Variants in CSF1R observed in about 807,000 individuals in gnomAD.
CSF1R encodes the protein macrophage colony-stimulating factor 1 receptor.
Under a neutral mutation model 110.0 loss-of-function variants are expected in CSF1R, and 40 were observed. The observed-to-expected ratio is 0.36, with a 90% confidence interval of 0.28 to 0.47. The LOEUF is 0.47. CSF1R is among the 20% of genes least tolerant of loss of function. The pLI, the probability that CSF1R is intolerant of heterozygous loss-of-function variation, is 0.99. For missense variants in CSF1R, 1,052 were observed against 1,253.0 expected (o/e 0.84, Z 2.42); for synonymous variants, 523 against 503.4 (o/e 1.04, Z -0.52).
At chr5:150,087,829 A>C (rs1292091694), upstream of CSF1R, among the ~76,000 whole-genome samples, 1 of 150,884 alleles carries the variant, frequency 6.6e-6, no homozygotes, top group Non-Finnish European at 1.5e-5. Flanking sequence ...CACCTCCCGG[A>C]CTCAAGCCAT....
intron 14 of CSF1R, chr5:150,058,239 G>C (rs1018537882): frequency 8.8e-6 from 4 of 456,196 alleles, no homozygotes; most frequent in African/African-American, 2.0e-5. Context: ...ATGGGCCTGA[G>C]GTGGTGCACT....
Position 150,102,278 on chromosome 5 carries a change from G to A in CSF1R, c.-181+10983C>T, listed in dbSNP as rs560018777. Among the ~76,000 whole-genome samples, 15 of 152,272 alleles carry A rather than the reference G, an allele frequency of 9.9e-5. No homozygotes were observed. In the South Asian group the frequency reaches 2.7e-3, roughly 27 times the overall value. ...AGTGTGTGAGAAATGCAGCATCACC[G>A]TACACTTGCTGACATGGGATATCAC... On this transcript the variant is annotated intron_variant, in intron 1 of 21. Transcript: ENST00000286301.
chr5:150,108,228 T>C (rs1420211241), intron 1 of CSF1R, among the ~76,000 whole-genome samples: 1 of 152,068 alleles, frequency 6.6e-6, no homozygotes. Flanking sequence ...CGAAGAGAAA[T>C]CATTTTCAGC....
intron 5 of CSF1R, among the ~76,000 whole-genome samples, chr5:150,074,567 T>C (rs746814943): frequency 1.3e-5 from 2 of 152,096 alleles, no homozygotes; most frequent in Non-Finnish European, 2.9e-5. Context: ...GAACCCCAAT[T>C]CACTCAGCCT....
At chr5:150,077,788 T>TA in intron 4 of CSF1R, among the ~76,000 whole-genome samples, 1 of 152,290 alleles carries the variant, frequency 6.6e-6, no homozygotes, top group Middle Eastern at 3.4e-3. Context: ...AATGGTGGCC[T>TA]AGGAAACCCT....
intron 1 of CSF1R, among the ~76,000 whole-genome samples, chr5:150,101,292 G>A (rs1759395326): frequency 6.6e-6 from 1 of 152,186 alleles, no homozygotes; most frequent in Non-Finnish European, 1.5e-5. Flanking sequence ...CCTAGCCAAG[G>A]CTAGATTAAA....
At chr5:150,093,475 TTCTC>T (rs970181156) in intron 1 of CSF1R, among the ~76,000 whole-genome samples, 1 of 152,236 alleles carries the variant, frequency 6.6e-6, no homozygotes, top group Non-Finnish European at 1.5e-5. Flanking sequence ...CTAAAAATTT[TTCTC>T]TCTTTTTAAT....
chr5:150,087,979 G>A (rs928238508), upstream of CSF1R, among the ~76,000 whole-genome samples: 12 of 152,014 alleles, frequency 7.9e-5, no homozygotes, highest in East Asian at 1.3e-3. Flanking sequence ...CAAGTGATTC[G>A]CATACCTTGG....
At chr5:150,097,428 AAAG>A (rs754258595) in intron 1 of CSF1R, among the ~76,000 whole-genome samples, 16 of 152,130 alleles carry the variant, frequency 1.1e-4, no homozygotes, top group Admixed American at 3.9e-4. Flanking sequence ...GAAAGAAAGA[AAAG>A]AAGAAGAAAG....
At chr5:150,058,284 A>C (rs1016212961) in intron 14 of CSF1R, 3 of 456,202 alleles carry the variant, frequency 6.6e-6, no homozygotes, top group African/African-American at 2.0e-5. Flanking sequence ...ATGAGAGCAC[A>C]CTTGGGGTAG....
intron 18 of CSF1R, 28 bp from the exon 19 acceptor site, chr5:150,055,364 C>G: frequency 1.9e-6 from 3 of 1,588,628 alleles, no homozygotes; most frequent in Non-Finnish European, 2.6e-6. Flanking sequence ...AGGTAAGAGG[C>G]CATGCCCATT....
In CSF1R at chr5:150,070,485, C is replaced by T; in HGVS notation, c.1169G>A (p.Arg390Lys). The change falls in exon 7 of 21, where the codon AGA becomes AAA. Residue 390 changes from arginine (R) to lysine (K), a missense_variant. Physicochemically the swap from Arg to Lys is conservative, Grantham distance 26. Transcript: ENST00000675795. ...AAGGGTGAGCTCAAACGTCAGAGCT[C>T]TCCAGCCTCCTGGGTTTCTGGCCAG... ...SFLARNPGGW[R>K]ALTFELTLRY... 6.4e-7 allele frequency: 1 copy of T among 1,559,246 alleles called. No individual in the cohort carries two copies. The highest frequency in any genetic ancestry group is 8.7e-7 in the Non-Finnish European group (1 of 1,151,892).
Position 150,073,411 on chromosome 5 carries a change from C to T in CSF1R, c.972G>A (p.Met324Ile). 6.2e-7 allele frequency: 1 copy of T among 1,614,138 alleles called. No individual in the cohort carries two copies. The stretch of plus-strand genomic sequence containing the variant: ...CTTGCAGGCCTGGGTAGGCCTCCAC[C>T]ATGACTTTGAGGTTGAGCCCCTCCC... ...TVGEGLNLKV[M>I]VEAYPGLQGF... Residue 324 changes from methionine (M) to isoleucine (I), a missense_variant, in exon 6 of 21, where the codon ATG becomes ATA. By Grantham distance (10) the Met-to-Ile change is conservative. Transcript: ENST00000675795.
Position 150,054,070 on chromosome 5 carries a change from C to T in CSF1R, c.2918G>A (p.Ter973=). The change falls in exon 21 of 21, where the codon TGA becomes TAA. Residue 973 remains the stop codon, a stop_retained_variant. Coordinates refer to ENST00000675795, the MANE Select transcript of CSF1R (RefSeq NM_001288705.3). ...LLQPNNYQFC[*] is the part of the protein sequence containing the mutation. ...GTGGTACTCCCTGTCGTCAACTCCT[C>T]AGCAGAACTGATAGTTGTTGGGCTG... 3 of 1,614,116 alleles carry T rather than the reference C, an allele frequency of 1.9e-6. No homozygotes were observed. Among genetic ancestry groups the T allele is most frequent in the Non-Finnish European group, 2.5e-6 (3 of 1,180,018 alleles).
intron 1 of CSF1R, chr5:150,095,077 T>C (rs545149044): frequency 3.0e-5 from 18 of 607,854 alleles, no homozygotes; most frequent in Non-Finnish European, 5.1e-5. Context: ...TTTTCTAAGC[T>C]GGTTGGTTAA....
At position 150,061,510 on chromosome 5, in the gene CSF1R, C is replaced by T; in HGVS notation, c.1839G>A (p.Val613=). The T allele has an allele frequency of 6.2e-7, 1 of 1,609,306 alleles. No individual in the cohort carries two copies. Among genetic ancestry groups the T allele is most frequent in the East Asian group, 2.2e-5 (1 of 44,728 alleles). The change falls in exon 12 of 21, where the codon GTG becomes GTA. Residue 613 remains valine, a synonymous_variant. Coordinates refer to ENST00000675795, the MANE Select transcript of CSF1R (RefSeq NM_001288705.3). ...GLGKEDAVLK[V]AVKMLKSTAH... Reference sequence around the variant, plus strand: ...ACTCACACTTCAGCATCTTCACAGCCACCTTCAGGACAGCATCCTCCTTGC... The same window carrying T: ...ACTCACACTTCAGCATCTTCACAGCTACCTTCAGGACAGCATCCTCCTTGC...
Position 150,053,336 on chromosome 5 carries a change from C to T in CSF1R, c.*733G>A, listed in dbSNP as rs1263927433. 2.6e-5 allele frequency: 6 copies of T among 233,510 alleles called. No individual in the cohort carries two copies. Among genetic ancestry groups the T allele is most frequent in the Non-Finnish European group, 4.2e-5 (5 of 118,020 alleles). 14.5% of individuals were successfully genotyped at this position (233,510 alleles called of 1,614,324 possible). ...GTTTAATGTGGACAGAGACATCCCA[C>T]GGCGTGACTGTTAGTTAGGATGAGT... On this transcript the variant is annotated 3_prime_UTR_variant, in exon 21 of 21. Coordinates refer to ENST00000675795, the MANE Select transcript of CSF1R (RefSeq NM_001288705.3).
At chr5:150,102,084 G>T (rs1581349702) in intron 1 of CSF1R, among the ~76,000 whole-genome samples, 1 of 152,104 alleles carries the variant, frequency 6.6e-6, no homozygotes. Flanking sequence ...TGCAAACAAT[G>T]CTCAGTGGAC....
At chr5:150,073,589 C>T in intron 5 of CSF1R, 96 bp from the exon 6 acceptor site, 1 of 1,295,116 alleles carries the variant, frequency 7.7e-7, no homozygotes. Flanking sequence ...AGTCCCTGAG[C>T]AGCTATGTCA....
Sources: gnomAD v4.1 joint callset for allele counts (sites outside exome capture counted in the v4.1 genomes callset) on GRCh38, gnomAD v4.1.1 for gene constraint, MANE v1.5 for transcripts, NCBI Gene and HGNC (gene_info 2026-07-23, HGNC 2026-07-21) for gene names.